Variants in PLCB4 observed in about 807,000 individuals in gnomAD.
PLCB4 encodes phospholipase C beta 4.
A neutral mutation model predicts 178.8 loss-of-function variants in PLCB4; 77 were observed. That is an observed-to-expected ratio of 0.43 (90% CI 0.36 to 0.52). The LOEUF (loss-of-function observed/expected upper bound fraction) is 0.52. PLCB4 is among the 20% of genes least tolerant of loss of function. The probability of loss-of-function intolerance (pLI) is 0.00; values close to 1 mark genes in which losing one functional copy is unlikely to be tolerated. For missense variants in PLCB4, 1,024 were observed against 1,453.4 expected (o/e 0.70, Z 4.80); for synonymous variants, 496 against 490.8 (o/e 1.01, Z -0.14).
chr20:9,331,309 A>G (rs2031609962), intron 4 of PLCB4, among the ~76,000 whole-genome samples: 1 of 152,326 alleles, frequency 6.6e-6, no homozygotes, highest in East Asian at 1.9e-4. Context: ...TCATGTTTAA[A>G]TAAGGTAGAG....
At chr20:9,307,526 C>T (rs1243526060) in intron 3 of PLCB4, among the ~76,000 whole-genome samples, 16 of 150,988 alleles carry the variant, frequency 1.1e-4, no homozygotes, top group African/African-American at 3.4e-4. Context: ...CACACACACA[C>T]ACACACACAC....
chr20:9,381,958 C>G (rs2037178814), intron 13 of PLCB4, among the ~76,000 whole-genome samples: 1 of 152,158 alleles, frequency 6.6e-6, no homozygotes, highest in Non-Finnish European at 1.5e-5. Context: ...CTTTACATTT[C>G]TTCTATTAAA....
chr20:9,105,173 T>TTGA, intron 2 of PLCB4, among the ~76,000 whole-genome samples: 1 of 152,150 alleles, frequency 6.6e-6, no homozygotes, highest in East Asian at 1.9e-4. Flanking sequence ...TAAGTAAAAA[T>TTGA]TGATGATTTA....
chr20:9,457,494 GA>G lies in PLCB4; in HGVS notation c.3072+9del. On this transcript the variant is annotated splice_donor_region_variant and intron_variant, in intron 34 of 39. Transcript: ENST00000378473. The stretch of plus-strand genomic sequence containing the variant: ...ACATCAGATCACAAATCTAAGGTAA[GA>G]AAATGCCCATTTTTACAGCAGTGAC... The G allele has an allele frequency of 7.2e-7, 1 of 1,386,376 alleles. No homozygotes were observed. The highest frequency in any genetic ancestry group is 1.0e-6 in the Non-Finnish European group (1 of 972,512). 85.9% of individuals were successfully genotyped at this position (1,386,376 alleles called of 1,614,324 possible). A position where few individuals can be genotyped will look rare whatever the true frequency, so the allele number is the denominator to read the frequency against.
intron 3 of PLCB4, among the ~76,000 whole-genome samples, chr20:9,237,428 G>A (rs1197803664): frequency 2.0e-5 from 3 of 152,182 alleles, no homozygotes; most frequent in African/African-American, 4.8e-5. Context: ...AAACGCTAAG[G>A]AGTTTGGACT....
At chr20:9,224,516 G>T (rs1321922410) in intron 3 of PLCB4, among the ~76,000 whole-genome samples, 2 of 152,194 alleles carry the variant, frequency 1.3e-5, no homozygotes, top group Non-Finnish European at 2.9e-5. Flanking sequence ...TTGAGAGAGA[G>T]GAGAGAGAAA....
intron 35 of PLCB4, among the ~76,000 whole-genome samples, chr20:9,465,681 G>T (rs940511055): frequency 1.4e-4 from 21 of 152,040 alleles, no homozygotes; most frequent in African/African-American, 4.6e-4. Context: ...GCTTCCATTT[G>T]CATTTGCTAC....
Position 9,199,988 on chromosome 20 carries a change from T to G in PLCB4, c.-78-17402T>G, listed in dbSNP as rs534442864. On this transcript the variant is annotated intron_variant, in intron 2 of 39. Transcript: ENST00000378473. ...CTGGGAATATATTACATAAAAGTCA[T>G]CAAGGGCAGGAGAGAGAGAATGGTA... Among the ~76,000 whole-genome samples, 5 of 144,604 alleles carry G rather than the reference T, an allele frequency of 3.5e-5. No individual in the cohort carries two copies. In the East Asian group the frequency reaches 7.9e-4, roughly 23 times the overall value. The allele number at this position is 144,604 out of a possible 152,430, so 94.9% of individuals were successfully genotyped here. A position where few individuals can be genotyped will look rare whatever the true frequency, so the allele number is the denominator to read the frequency against.
At chr20:9,151,903 A>G (rs142245261) in intron 2 of PLCB4, among the ~76,000 whole-genome samples, 16 of 152,290 alleles carry the variant, frequency 1.1e-4, no homozygotes, top group African/African-American at 3.8e-4. Context: ...TGATATAGAC[A>G]ATAAAATCCA....
intron 33 of PLCB4, among the ~76,000 whole-genome samples, chr20:9,455,463 A>T (rs1011699611): frequency 6.6e-6 from 1 of 152,132 alleles, no homozygotes; most frequent in Admixed American, 6.5e-5. Context: ...TTACCTCATG[A>T]TTGTTTTTAC....
chr20:9,223,411 C>G (rs1443016537), intron 3 of PLCB4, among the ~76,000 whole-genome samples: 1 of 152,186 alleles, frequency 6.6e-6, no homozygotes, highest in African/African-American at 2.4e-5. Flanking sequence ...ACAGCAGTCA[C>G]CTTTTTACCT....
At chr20:9,324,751 G>C (rs896855534) in intron 4 of PLCB4, among the ~76,000 whole-genome samples, 1 of 152,080 alleles carries the variant, frequency 6.6e-6, no homozygotes, top group African/African-American at 2.4e-5. Context: ...GACAGAGCCA[G>C]CATTGACCCT....
At chr20:9,353,343 G>A (rs1489283421) in intron 7 of PLCB4, among the ~76,000 whole-genome samples, 1 of 152,126 alleles carries the variant, frequency 6.6e-6, no homozygotes, top group Non-Finnish European at 1.5e-5. Flanking sequence ...ATGGTGAATT[G>A]CCCTCTTGTC....
At chr20:9,472,594 T>C (rs1237047157) in intron 36 of PLCB4, among the ~76,000 whole-genome samples, 196 bp from the exon 37 acceptor site, 1 of 152,200 alleles carries the variant, frequency 6.6e-6, no homozygotes, top group Non-Finnish European at 1.5e-5. Context: ...TATCAGTTAA[T>C]CTGAGGGACA....
chr20:9,277,168 A>G (rs2094457433), intron 3 of PLCB4, among the ~76,000 whole-genome samples: 1 of 152,020 alleles, frequency 6.6e-6, no homozygotes, highest in Non-Finnish European at 1.5e-5. Flanking sequence ...GCTACAGGGT[A>G]TAACCACTGG....
chr20:9,290,011 T>A (rs1426095258), intron 3 of PLCB4, among the ~76,000 whole-genome samples: 2 of 152,000 alleles, frequency 1.3e-5, no homozygotes, highest in Admixed American at 1.3e-4. Flanking sequence ...GACTTTCATT[T>A]CTCATTACTG....
chr20:9,173,489 A>T (rs943658971), intron 2 of PLCB4, among the ~76,000 whole-genome samples: 1 of 152,204 alleles, frequency 6.6e-6, no homozygotes, highest in South Asian at 2.1e-4. Flanking sequence ...TTAGTGGCTT[A>T]AAGCACAGAT....
intron 3 of PLCB4, among the ~76,000 whole-genome samples, chr20:9,296,157 A>T (rs556377006): frequency 1.3e-5 from 2 of 152,184 alleles, no homozygotes; most frequent in East Asian, 1.9e-4. Context: ...AAACAAATCT[A>T]TAAGAAAAAA....
chr20:9,281,919 C>T (rs1170103092), intron 3 of PLCB4, among the ~76,000 whole-genome samples: 2 of 151,862 alleles, frequency 1.3e-5, no homozygotes, highest in East Asian at 3.9e-4. Flanking sequence ...AGTAAAACAT[C>T]CAGAAGTGAA....
Sources: gnomAD v4.1 joint callset for allele counts (sites outside exome capture counted in the v4.1 genomes callset) on GRCh38, gnomAD v4.1.1 for gene constraint, MANE v1.5 for transcripts, NCBI Gene and HGNC (gene_info 2026-07-23, HGNC 2026-07-21) for gene names.